Variants in IL3RA observed in about 807,000 individuals in gnomAD.
IL3RA encodes the protein interleukin-3 receptor subunit alpha.
A neutral mutation model predicts 52.3 loss-of-function variants in IL3RA; 73 were observed. The observed-to-expected ratio is 1.40, with a 90% confidence interval of 1.16 to 1.70. The LOEUF is 1.70. Among genes scored for constraint, IL3RA ranks in the 40% most tolerant of loss-of-function variants. The pLI is 0.00. For synonymous variants in IL3RA, 260 were observed against 194.0 expected (o/e 1.34, Z -2.83); for missense variants, 664 against 504.4 (o/e 1.32, Z -3.03).
intron 7 of IL3RA, among the ~76,000 whole-genome samples, chrX:1,356,726 C>T (rs1161701595): frequency 2.0e-5 from 3 of 150,804 alleles, no homozygotes; most frequent in African/African-American, 7.3e-5. Context: ...GAGCCGAGAT[C>T]GCGCCATTGC....
intron 6 of IL3RA, 99 bp from the exon 7 acceptor site, chrX:1,356,119 TAGG>T (rs1216462754): frequency 1.8e-5 from 14 of 759,300 alleles, no homozygotes; most frequent in East Asian, 4.9e-5. Context: ...TCCAAATGCA[TAGG>T]AGAAGTAATT....
intron 8 of IL3RA, among the ~76,000 whole-genome samples, chrX:1,361,517 C>T (rs1188557906): frequency 6.6e-6 from 1 of 152,048 alleles, no homozygotes; most frequent in African/African-American, 2.4e-5. Context: ...CTTGGGAGGA[C>T]GAGGTGGGTG....
intron 7 of IL3RA, among the ~76,000 whole-genome samples, chrX:1,358,219 C>A (rs1365855979): frequency 3.9e-5 from 6 of 152,128 alleles, no homozygotes; most frequent in African/African-American, 7.2e-5. Context: ...TGATGTTGCA[C>A]CCCCTACCTA....
Position 1,356,336 on chromosome X carries a change from G to C in IL3RA, c.732G>C (p.Lys244Asn). Residue 244 changes from lysine (K) to asparagine (N), a missense_variant and splice_region_variant, in exon 7 of 12, where the codon AAG (lysine) becomes AAC (asparagine). Physicochemically the swap from Lys to Asn is moderately conservative, Grantham distance 94. Transcript: ENST00000331035. ...TTCGCTATGAGCTTCAGATACAAAA[G>C]GTAAACTTTCACCCCGCCCCCAGCC... ...RKFRYELQIQKRMQPVITEQV... is the reference protein window; with the variant it reads ...RKFRYELQIQNRMQPVITEQV... The C allele has an allele frequency of 1.2e-6, 2 of 1,604,566 alleles. No homozygotes were observed. The highest frequency in any genetic ancestry group is 1.7e-6 in the Non-Finnish European group (2 of 1,171,826).
chrX:1,345,347 G>A lies in IL3RA; in HGVS notation c.96G>A (p.Met32Ile). 6.2e-7 allele frequency: 1 copy of A among 1,611,284 alleles called. No homozygotes were observed. The highest frequency in any genetic ancestry group is 2.2e-5 in the East Asian group (1 of 44,834). Residue 32 changes from methionine (M) to isoleucine (I), a missense_variant, in exon 3 of 12, where the codon ATG becomes ATA. Met to Ile is a conservative substitution (Grantham distance 10). Transcript: ENST00000331035. ...ACCCACCAATCACGAACCTAAGGAT[G>A]AAAGCAAAGGCTCAGCAGTTGACCT... ...DPNPPITNLRMKAKAQQLTWD... is the reference protein window; with the variant it reads ...DPNPPITNLRIKAKAQQLTWD...
At chrX:1,373,928 TC>T in intron 9 of IL3RA, among the ~76,000 whole-genome samples, 1 of 43,240 alleles carries the variant, frequency 2.3e-5, no homozygotes, top group Non-Finnish European at 3.7e-5. Flanking sequence ...ACCTCCAGCC[TC>T]CAGGGCTGTG....
intron 2 of IL3RA, among the ~76,000 whole-genome samples, chrX:1,343,353 G>A (rs1268874966): frequency 6.6e-6 from 1 of 151,946 alleles, no homozygotes; most frequent in Non-Finnish European, 1.5e-5. Flanking sequence ...TGGGTGACCA[G>A]CAAAATGTGA....
intron 8 of IL3RA, among the ~76,000 whole-genome samples, chrX:1,360,890 T>C (rs2087231408): frequency 6.7e-6 from 1 of 149,004 alleles, no homozygotes; most frequent in African/African-American, 2.5e-5. Context: ...TGTCTCTCTC[T>C]CCCTTCCCCT....
intron 8 of IL3RA, among the ~76,000 whole-genome samples, chrX:1,363,235 T>C (rs1434642572): frequency 2.6e-5 from 4 of 151,628 alleles, no homozygotes; most frequent in African/African-American, 7.3e-5. Context: ...CTGCAACATA[T>C]GAATTTTGGG....
At chrX:1,344,237 C>T (rs1283221260) in intron 2 of IL3RA, among the ~76,000 whole-genome samples, 2 of 151,878 alleles carry the variant, frequency 1.3e-5, no homozygotes, top group African/African-American at 4.8e-5. Flanking sequence ...AGTTCGAGAC[C>T]AGCCTGGCCA....
At chrX:1,348,107 G>A (rs1328434626) in intron 3 of IL3RA, among the ~76,000 whole-genome samples, 1 of 151,156 alleles carries the variant, frequency 6.6e-6, no homozygotes, top group Non-Finnish European at 1.5e-5. Flanking sequence ...AGCACTTTGG[G>A]AGGCTGAGGC....
chrX:1,337,779 T>C (rs1373126138), intron 1 of IL3RA, among the ~76,000 whole-genome samples: 1 of 134,300 alleles, frequency 7.4e-6, no homozygotes, highest in Non-Finnish European at 1.6e-5. Context: ...TGGATAAATA[T>C]AATGTGGTCC....
intron 10 of IL3RA, among the ~76,000 whole-genome samples, chrX:1,380,662 A>AG (rs1271669955): frequency 3.5e-5 from 1 of 28,290 alleles, no homozygotes; most frequent in Non-Finnish European, 6.9e-5. Flanking sequence ...AGGGAGGGGT[A>AG]GGGGGGAAGG....
At chrX:1,362,958 T>A (rs1180705560) in intron 8 of IL3RA, among the ~76,000 whole-genome samples, 1 of 151,920 alleles carries the variant, frequency 6.6e-6, no homozygotes, top group Non-Finnish European at 1.5e-5. Flanking sequence ...GTATTATTAG[T>A]AAAGATGGGA....
chrX:1,357,646 G>A (rs1303567164), intron 7 of IL3RA, among the ~76,000 whole-genome samples: 1 of 151,956 alleles, frequency 6.6e-6, no homozygotes, highest in Non-Finnish European at 1.5e-5. Flanking sequence ...ACAGGCGTGA[G>A]GCACTGTGCC....
chrX:1,367,800 CGGGTGAGCG>C (rs1429583884), intron 9 of IL3RA, among the ~76,000 whole-genome samples: 1 of 79,456 alleles, frequency 1.3e-5, no homozygotes, highest in Non-Finnish European at 2.7e-5. Flanking sequence ...CGGGGTGCGC[CGGGTGAGCG>C]GGGTGCGCGG....
At chrX:1,361,415 A>G (rs1458310657) in intron 8 of IL3RA, among the ~76,000 whole-genome samples, 4 of 152,006 alleles carry the variant, frequency 2.6e-5, no homozygotes, top group East Asian at 1.9e-4. Flanking sequence ...GCAGAAGGTG[A>G]AGGAGGAGGA....
In IL3RA at chrX:1,341,756, T is replaced by C; in HGVS notation, c.-10T>C. 1 of 1,613,912 alleles carries C rather than the reference T, an allele frequency of 6.2e-7. No individual in the cohort carries two copies. Among genetic ancestry groups the C allele is most frequent in the East Asian group, 2.2e-5 (1 of 44,882 alleles). ...GCACCTCTGTCCTGCGTTCCGGAGC[T>C]GCGTTCCCGATGGTCCTCCTTTGGC... On this transcript the variant is annotated 5_prime_UTR_variant, in exon 2 of 12. Transcript: ENST00000331035.
At chrX:1,378,631 CT>C (rs760328080) in intron 9 of IL3RA, 27 bp from the exon 10 acceptor site, 3 of 1,598,004 alleles carry the variant, frequency 1.9e-6, no homozygotes, top group Non-Finnish European at 2.6e-6. Context: ...GGCCCCCGGT[CT>C]GTGACCCTCT....
Sources: gnomAD v4.1 joint callset for allele counts (sites outside exome capture counted in the v4.1 genomes callset) on GRCh38, gnomAD v4.1.1 for gene constraint, MANE v1.5 for transcripts, NCBI Gene and HGNC (gene_info 2026-07-23, HGNC 2026-07-21) for gene names.